DCAF5: variants seen among roughly 807,000 people sequenced by gnomAD.
DCAF5 encodes the protein DDB1 and CUL4 associated factor 5, also known as DDB1- and CUL4-associated factor 5.
In DCAF5, 9 loss-of-function variants were observed where a neutral mutation model predicts 80.7. The ratio of observed to expected loss-of-function variants is 0.11; its 90% CI spans 0.07 to 0.19. The LOEUF (loss-of-function observed/expected upper bound fraction) is 0.19, where lower values mean the gene tolerates loss of function less well. Ranked by LOEUF, DCAF5 falls within the 10% of genes least tolerant of loss-of-function variation. DCAF5 has a pLI of 1.00. For synonymous variants in DCAF5, 433 were observed against 461.9 expected (o/e 0.94, Z 0.80); for missense variants, 842 against 1,205.7 (o/e 0.70, Z 4.47).
At chr14:69,107,350 C>T (rs2040197605) in intron 5 of DCAF5, among the ~76,000 whole-genome samples, 1 of 152,196 alleles carries the variant, frequency 6.6e-6, no homozygotes, top group Non-Finnish European at 1.5e-5. Context: ...CTCTGATTAA[C>T]CACTGCTTCC....
At chr14:69,056,363 C>A (rs1286150304) in intron 8 of DCAF5, among the ~76,000 whole-genome samples, 4 of 152,176 alleles carry the variant, frequency 2.6e-5, no homozygotes, top group African/African-American at 7.2e-5. Flanking sequence ...ACTCATAATA[C>A]CCCTCCACTC....
intron 7 of DCAF5, among the ~76,000 whole-genome samples, chr14:69,065,091 G>A (rs1314273543): frequency 7.7e-6 from 1 of 129,962 alleles, no homozygotes; most frequent in African/African-American, 2.7e-5. Flanking sequence ...CATGCAATAT[G>A]ACCTCTTTTT....
At chr14:69,099,328 G>A (rs1203454520) in intron 5 of DCAF5, among the ~76,000 whole-genome samples, 1 of 149,094 alleles carries the variant, frequency 6.7e-6, no homozygotes, top group Non-Finnish European at 1.5e-5. Flanking sequence ...AGGCTCCATC[G>A]AGATTCACAT....
intron 6 of DCAF5, chr14:69,090,477 C>A (rs1326872360): frequency 6.6e-6 from 1 of 152,242 alleles, no homozygotes; most frequent in Non-Finnish European, 1.5e-5. Flanking sequence ...GATATATAGT[C>A]TCTATTTATA....
At chr14:69,090,513 A>T (rs1451424052) in intron 6 of DCAF5, 2 of 152,140 alleles carry the variant, frequency 1.3e-5, no homozygotes, top group Non-Finnish European at 2.9e-5. Flanking sequence ...AGTTCAGAAA[A>T]CTTAAAAGAA....
At chr14:69,139,751 G>A (rs902693653) in intron 1 of DCAF5, among the ~76,000 whole-genome samples, 5 of 151,126 alleles carry the variant, frequency 3.3e-5, no homozygotes, top group African/African-American at 7.3e-5. Flanking sequence ...AGGAGGTGGC[G>A]ACTGCAGTGA....
At chr14:69,127,486 G>A (rs551988625) in intron 1 of DCAF5, among the ~76,000 whole-genome samples, 9 of 152,274 alleles carry the variant, frequency 5.9e-5, no homozygotes, top group African/African-American at 2.2e-4. Flanking sequence ...GGGTTTGGAG[G>A]CAGGGGTTGA....
chr14:69,068,131 G>A (rs2038535899), intron 7 of DCAF5, among the ~76,000 whole-genome samples: 1 of 152,134 alleles, frequency 6.6e-6, no homozygotes, highest in Non-Finnish European at 1.5e-5. Flanking sequence ...TACATCGAGT[G>A]CATATGTCTG....
chr14:69,053,801 A>AT lies in DCAF5; in HGVS notation c.*55dup, dbSNP rs57470426. 0.036 allele frequency: 43,398 copies of AT among 1,194,304 alleles called. 7 individuals are homozygous for AT. The highest frequency in any genetic ancestry group is 0.046 in the African/African-American group (2,838 of 61,214). 74.0% of individuals were successfully genotyped at this position (1,194,304 alleles called of 1,614,324 possible). On this transcript the variant is annotated 3_prime_UTR_variant, in exon 9 of 9. Coordinates refer to ENST00000341516, the MANE Select transcript of DCAF5 (RefSeq NM_003861.3). Reference sequence around the variant, plus strand: ...TCCTTTCCTCTGTATTCACTAAACAATTTTTTTTTTTTTGTAAGGCTACTT... The same window carrying AT: ...TCCTTTCCTCTGTATTCACTAAACAATTTTTTTTTTTTTTGTAAGGCTACTT...
At chr14:69,120,304 T>A (rs1181761347) in intron 2 of DCAF5, among the ~76,000 whole-genome samples, 1 of 152,160 alleles carries the variant, frequency 6.6e-6, no homozygotes, top group Admixed American at 6.6e-5. Flanking sequence ...CTAACTATGT[T>A]GCCCAGGCTG....
At chr14:69,083,969 G>A (rs1319846470) in intron 6 of DCAF5, 1 of 781,166 alleles carries the variant, frequency 1.3e-6, no homozygotes, top group African/African-American at 1.7e-5. Flanking sequence ...TAAAAGAAAT[G>A]GGTTTTACAA....
chr14:69,094,475 C>T (rs2039634116), intron 5 of DCAF5, among the ~76,000 whole-genome samples: 3 of 152,196 alleles, frequency 2.0e-5, no homozygotes, highest in Admixed American at 2.0e-4. Flanking sequence ...AAAGGAATCT[C>T]ACTCCTAGAA....
rs2040609360 is a variant in DCAF5, at chr14:69,118,527, CAAT to C, written c.396-252_396-250del. 6.6e-6 allele frequency among the ~76,000 whole-genome samples: 1 copy of C among 152,110 alleles called. No individual in the cohort carries two copies. Among genetic ancestry groups the C allele is most frequent in the African/African-American group, 2.4e-5 (1 of 41,416 alleles). Reference sequence around the variant, plus strand: ...TAAATAAGCATATTTAAAAGTGACTCAATAGCTGAGTTTTGTATTTTCATTTAT... The same window carrying C: ...TAAATAAGCATATTTAAAAGTGACTCAGCTGAGTTTTGTATTTTCATTTAT... On this transcript the variant is annotated intron_variant, in intron 3 of 8. Coordinates refer to ENST00000341516, the MANE Select transcript of DCAF5 (RefSeq NM_003861.3). This position sits in a 1 kb window ranked among gnomAD's most constrained non-coding sequence, Gnocchi z 4.0.
chr14:69,080,283 G>A (rs1200277723), intron 6 of DCAF5, among the ~76,000 whole-genome samples: 1 of 152,102 alleles, frequency 6.6e-6, no homozygotes, highest in East Asian at 1.9e-4. Flanking sequence ...GTGGGGCGCT[G>A]CTGATGGTTA....
At chr14:69,108,638 AAG>A (rs1452454678) in intron 5 of DCAF5, among the ~76,000 whole-genome samples, 2 of 152,190 alleles carry the variant, frequency 1.3e-5, no homozygotes, top group Admixed American at 1.3e-4. Context: ...TAAAAAAACA[AAG>A]AAGTTTAAGA....
intron 5 of DCAF5, among the ~76,000 whole-genome samples, chr14:69,114,137 G>GT (rs1364632291): frequency 6.6e-6 from 1 of 152,184 alleles, no homozygotes; most frequent in African/African-American, 2.4e-5. Flanking sequence ...TGGCAGATTT[G>GT]TAAGTTAGTA....
intron 1 of DCAF5, among the ~76,000 whole-genome samples, chr14:69,130,779 G>A (rs187170653): frequency 4.6e-5 from 7 of 152,286 alleles, no homozygotes; most frequent in Admixed American, 1.3e-4. Context: ...TACAGAGCTT[G>A]GGGTTTCATC....
chr14:69,067,131 A>G (rs938224507), intron 7 of DCAF5, among the ~76,000 whole-genome samples: 4 of 152,196 alleles, frequency 2.6e-5, no homozygotes, highest in African/African-American at 9.6e-5. Flanking sequence ...CCATGACAGC[A>G]GGGCTTCTGT....
At chr14:69,141,022 G>A (rs1022405337) in intron 1 of DCAF5, among the ~76,000 whole-genome samples, 4 of 151,732 alleles carry the variant, frequency 2.6e-5, no homozygotes, top group East Asian at 1.9e-4. Context: ...TAATCCCAAC[G>A]GGATTACAGG....
Sources: gnomAD v4.1 joint callset for allele counts (sites outside exome capture counted in the v4.1 genomes callset) on GRCh38, gnomAD v4.1.1 for gene constraint, Gnocchi (gnomAD v3.1) non-coding constraint, MANE v1.5 for transcripts, NCBI Gene and HGNC (gene_info 2026-07-23, HGNC 2026-07-21) for gene names.